RBFOX1: variants seen among roughly 807,000 people sequenced by gnomAD.
The protein encoded by RBFOX1 is RNA binding protein fox-1 homolog 1.
A neutral mutation model predicts 57.7 loss-of-function variants in RBFOX1; 8 were observed. The ratio of observed to expected loss-of-function variants is 0.14; its 90% CI spans 0.08 to 0.25. RBFOX1 has a LOEUF of 0.25. Among genes scored for constraint, RBFOX1 ranks in the 10% least tolerant of loss-of-function variants. The pLI, the probability that RBFOX1 is intolerant of heterozygous loss-of-function variation, is 1.00. For missense variants in RBFOX1, 611 were observed against 548.5 expected (o/e 1.11, Z -1.14); for synonymous variants, 326 against 222.4 (o/e 1.47, Z -4.15).
chr16:6,873,554 GAAC>G (rs776719706), intron 3 of RBFOX1, among the ~76,000 whole-genome samples: 1 of 152,040 alleles, frequency 6.6e-6, no homozygotes, highest in Non-Finnish European at 1.5e-5. Context: ...TTAAAAAAAA[GAAC>G]AACTTTGCTG....
At chr16:7,381,878 C>T (rs368294314) in intron 4 of RBFOX1, among the ~76,000 whole-genome samples, 69 of 152,274 alleles carry the variant, frequency 4.5e-4, no homozygotes, top group African/African-American at 1.2e-3. Context: ...CATCTCTAGC[C>T]TCTCCTGACT....
At chr16:7,193,737 C>T (rs7201270) in intron 4 of RBFOX1, among the ~76,000 whole-genome samples, 5 of 151,980 alleles carry the variant, frequency 3.3e-5, no homozygotes, top group Admixed American at 1.3e-4. Flanking sequence ...CCATGCTCTG[C>T]ACCAGCAACC....
At chr16:7,500,125 C>T (rs1532923) in intron 4 of RBFOX1, among the ~76,000 whole-genome samples, 18,836 of 152,086 alleles carry the variant, frequency 0.12, 1,704 homozygotes, top group African/African-American at 0.26. Context: ...TTCTTAGCTA[C>T]GGAAGAATAA....
At chr16:6,165,491 A>C (rs191975346) in intron 1 of RBFOX1, among the ~76,000 whole-genome samples, 119 of 152,312 alleles carry the variant, frequency 7.8e-4, no homozygotes, top group African/African-American at 2.8e-3. Context: ...AAAGAGTTCA[A>C]AATGAGAGTT....
intron 13 of RBFOX1, among the ~76,000 whole-genome samples, chr16:7,673,655 C>T (rs1268539716): frequency 1.3e-5 from 2 of 152,212 alleles, no homozygotes; most frequent in Admixed American, 1.3e-4. Context: ...TCTCAGTCCA[C>T]ATGAGTGGAT....
intron 1 of RBFOX1, among the ~76,000 whole-genome samples, chr16:6,195,375 C>T (rs1019561082): frequency 2.6e-5 from 4 of 152,116 alleles, no homozygotes; most frequent in Admixed American, 2.0e-4. Flanking sequence ...TGTATCTTTC[C>T]GTCTTCTGGA....
intron 4 of RBFOX1, among the ~76,000 whole-genome samples, chr16:7,451,043 C>T (rs927376436): frequency 6.6e-6 from 1 of 152,122 alleles, no homozygotes; most frequent in Non-Finnish European, 1.5e-5. Flanking sequence ...AACTCAGAGG[C>T]AGCTGGGAGT....
chr16:6,658,425 T>A, intron 3 of RBFOX1, among the ~76,000 whole-genome samples: 1 of 152,012 alleles, frequency 6.6e-6, no homozygotes, highest in East Asian at 1.9e-4. Context: ...GCCAGGATGA[T>A]CTTGAACTCC....
chr16:7,188,183 A>C (rs185055760), intron 4 of RBFOX1, among the ~76,000 whole-genome samples: 28 of 152,334 alleles, frequency 1.8e-4, no homozygotes, highest in African/African-American at 6.7e-4. Flanking sequence ...CAGAGGTATA[A>C]ATACGATGGA....
At chr16:6,718,826 G>T (rs1468356103) in intron 3 of RBFOX1, among the ~76,000 whole-genome samples, 3 of 152,014 alleles carry the variant, frequency 2.0e-5, no homozygotes, top group Admixed American at 2.0e-4. Flanking sequence ...GAAGAGATGT[G>T]CATGTTTCTT....
chr16:6,637,205 T>A lies in RBFOX1; in HGVS notation c.-63-17398T>A, dbSNP rs1379799634. 3.8e-4 allele frequency among the ~76,000 whole-genome samples: 28 copies of A among 73,398 alleles called. No homozygotes were observed. In the East Asian group the frequency reaches 9.4e-3, roughly 25 times the overall value. The allele number at this position is 73,398 out of a possible 152,430, so 48.2% of individuals were successfully genotyped here. A position where few individuals can be genotyped will look rare whatever the true frequency, so the allele number is the denominator to read the frequency against. ...ATAATATACAATATATATTATATAT[T>A]ATATATATTATATAATATACAATAT... On this transcript the variant is annotated intron_variant, in intron 2 of 15. Transcript: ENST00000550418.
chr16:7,308,414 T>C lies in RBFOX1; in HGVS notation c.28-209733T>C, dbSNP rs75307032. 4.5e-3 allele frequency among the ~76,000 whole-genome samples: 686 copies of C among 152,236 alleles called. 2 individuals carry two copies. The highest frequency in any genetic ancestry group is 0.015 in the African/African-American group (643 of 41,528). On this transcript the variant is annotated intron_variant, in intron 4 of 15. Transcript: ENST00000550418. ...TCAGTACTATTCTAAGAAAGCTTCTTATCTGTCAAGCCCTATCCACTGAGA... is the reference window on the plus strand; with the variant it reads ...TCAGTACTATTCTAAGAAAGCTTCTCATCTGTCAAGCCCTATCCACTGAGA...
chr16:5,665,265 C>T (rs74004466), intron 3 of RBFOX1, among the ~76,000 whole-genome samples: 3 of 152,006 alleles, frequency 2.0e-5, no homozygotes, highest in African/African-American at 2.4e-5. Flanking sequence ...TCTTTTCTGT[C>T]TCAGAGCCTT....
intron 2 of RBFOX1, among the ~76,000 whole-genome samples, chr16:6,447,205 A>G (rs2094502122): frequency 6.6e-6 from 1 of 152,106 alleles, no homozygotes; most frequent in South Asian, 2.1e-4. Flanking sequence ...TGTGTGACAG[A>G]TTGTCTAACA....
intron 2 of RBFOX1, among the ~76,000 whole-genome samples, chr16:6,599,439 C>G (rs997447550): frequency 3.3e-5 from 5 of 152,010 alleles, no homozygotes; most frequent in African/African-American, 1.2e-4. Flanking sequence ...GAATACTTTG[C>G]TGAAATAAGA....
chr16:5,759,463 G>A (rs752809844), intron 3 of RBFOX1, among the ~76,000 whole-genome samples: 5 of 152,302 alleles, frequency 3.3e-5, no homozygotes, highest in Middle Eastern at 3.4e-3. Flanking sequence ...GAAATGCCAC[G>A]CAGCTGTATC....
intron 3 of RBFOX1, among the ~76,000 whole-genome samples, chr16:6,928,599 A>G (rs1490521094): frequency 6.6e-6 from 1 of 152,168 alleles, no homozygotes; most frequent in Non-Finnish European, 1.5e-5. Flanking sequence ...AATGTGTCTT[A>G]CAGTTACCCT....
At chr16:7,649,024 C>T (rs375582566) in intron 11 of RBFOX1, among the ~76,000 whole-genome samples, 3 of 152,070 alleles carry the variant, frequency 2.0e-5, no homozygotes, top group South Asian at 4.2e-4. Flanking sequence ...GGTTCCTATC[C>T]AGACCCTAAG....
At chr16:5,773,211 G>C (rs2054036787) in intron 3 of RBFOX1, among the ~76,000 whole-genome samples, 1 of 152,174 alleles carries the variant, frequency 6.6e-6, no homozygotes, top group African/African-American at 2.4e-5. Context: ...AGGGTGGCTA[G>C]TTAAGAGGTT....
Sources: gnomAD v4.1 joint callset for allele counts (sites outside exome capture counted in the v4.1 genomes callset) on GRCh38, gnomAD v4.1.1 for gene constraint, MANE v1.5 for transcripts, NCBI Gene and HGNC (gene_info 2026-07-23, HGNC 2026-07-21) for gene names.